FSTL5: variants seen among roughly 807,000 people sequenced by gnomAD.
FSTL5 encodes follistatin-related protein 5.
FSTL5 carries 62 observed loss-of-function variants against 89.1 expected under a neutral mutation model. That is an observed-to-expected ratio of 0.70 (90% CI 0.57 to 0.86). The LOEUF (loss-of-function observed/expected upper bound fraction) is 0.86. Among genes scored for constraint, FSTL5 ranks in the 40% least tolerant of loss-of-function variants. The pLI is 0.00. For synonymous variants in FSTL5, 383 were observed against 346.2 expected, an observed-to-expected ratio of 1.11 and a Z score of -1.18; for missense variants, 1,057 against 1,001.6, an observed-to-expected ratio of 1.06 and a Z score of -0.75.
chr4:161,964,656 C>A (rs12502239), intron 3 of FSTL5, among the ~76,000 whole-genome samples: 49,711 of 151,676 alleles, frequency 0.33, 9,861 homozygotes, highest in Non-Finnish European at 0.43. Context: ...TTATGGTGTT[C>A]TTTCATGAAA....
Position 161,563,789 on chromosome 4 carries a change from A to T in FSTL5, c.1016-21096T>A, listed in dbSNP as rs1486184434. 5.9e-5 allele frequency among the ~76,000 whole-genome samples: 9 copies of T among 152,108 alleles called. No homozygotes were observed. The South Asian group carries it at 1.2e-3, about 21-fold the overall frequency. ...ATACTAAGGCAAATTTGGAAAAGTTATTGTATAATTTAGAATTATTGGGAA... is the reference window on the plus strand; with the variant it reads ...ATACTAAGGCAAATTTGGAAAAGTTTTTGTATAATTTAGAATTATTGGGAA... On this transcript the variant is annotated intron_variant, in intron 8 of 15. Transcript: ENST00000306100.
intron 2 of FSTL5, among the ~76,000 whole-genome samples, chr4:162,066,506 C>T (rs1015814604): frequency 1.3e-5 from 2 of 149,500 alleles, no homozygotes; most frequent in Admixed American, 6.8e-5. Flanking sequence ...TGGTGGTTTG[C>T]TGCACTTATC....
At chr4:161,974,144 G>A (rs868448940) in intron 3 of FSTL5, among the ~76,000 whole-genome samples, 17 of 152,266 alleles carry the variant, frequency 1.1e-4, no homozygotes, top group South Asian at 1.0e-3. Context: ...CCATGCTCAT[G>A]GGTAGGAAGA....
intron 6 of FSTL5, among the ~76,000 whole-genome samples, chr4:161,758,111 T>C (rs1740642020): frequency 1.3e-5 from 2 of 152,320 alleles, no homozygotes; most frequent in South Asian, 2.1e-4. Context: ...TTTTTTCATA[T>C]ATTATTTTGC....
chr4:161,804,311 G>A (rs1729891834), intron 4 of FSTL5, among the ~76,000 whole-genome samples: 1 of 151,966 alleles, frequency 6.6e-6, no homozygotes, highest in African/African-American at 2.4e-5. Context: ...TGTATTAACA[G>A]ATGCCAAGAA....
intron 6 of FSTL5, among the ~76,000 whole-genome samples, chr4:161,701,248 C>G (rs555192441): frequency 6.6e-6 from 1 of 152,092 alleles, no homozygotes; most frequent in Admixed American, 6.6e-5. Context: ...TGCGTTTTGA[C>G]GCATTCAAGT....
At chr4:162,076,729 T>A (rs2111323313) in intron 2 of FSTL5, among the ~76,000 whole-genome samples, 1 of 151,874 alleles carries the variant, frequency 6.6e-6, no homozygotes, top group East Asian at 2.0e-4. Flanking sequence ...CAGAAAATTA[T>A]AAGCTAAGGG....
At chr4:162,018,356 G>T (rs562906841) in intron 3 of FSTL5, among the ~76,000 whole-genome samples, 1 of 152,050 alleles carries the variant, frequency 6.6e-6, no homozygotes, top group Non-Finnish European at 1.5e-5. Flanking sequence ...CACCCAAACA[G>T]CATAAGTTTT....
At chr4:161,908,432 A>G (rs1362581951) in intron 4 of FSTL5, among the ~76,000 whole-genome samples, 2 of 152,132 alleles carry the variant, frequency 1.3e-5, no homozygotes, top group Admixed American at 6.6e-5. Context: ...GAGCATTTAT[A>G]AAATTAATCA....
At chr4:161,549,171 G>T (rs1732111715) in intron 8 of FSTL5, among the ~76,000 whole-genome samples, 1 of 151,768 alleles carries the variant, frequency 6.6e-6, no homozygotes, top group Admixed American at 6.6e-5. Context: ...TGAGACAAAT[G>T]AAGATTTGGG....
Position 162,155,905 on chromosome 4 carries a change from G to C in FSTL5, c.-17+7710C>G, listed in dbSNP as rs889959656. Among the ~76,000 whole-genome samples, 4 of 152,176 alleles carry C rather than the reference G, an allele frequency of 2.6e-5. No homozygotes were observed. The East Asian group carries it at 7.7e-4, about 29-fold the overall frequency. The stretch of plus-strand genomic sequence containing the variant: ...TTAGAAGAATCTTTAAAGCAGCAGA[G>C]AGTGTCAACTTAATGTAAAAATTAG... On this transcript the variant is annotated intron_variant, in intron 1 of 15. Transcript: ENST00000306100.
chr4:161,527,340 C>G (rs533424401), intron 10 of FSTL5, among the ~76,000 whole-genome samples: 1 of 152,178 alleles, frequency 6.6e-6, no homozygotes, highest in African/African-American at 2.4e-5. Flanking sequence ...AAGAAACTAC[C>G]ATCAGAGTGA....
intron 6 of FSTL5, among the ~76,000 whole-genome samples, chr4:161,749,503 G>A (rs1276140241): frequency 6.6e-6 from 1 of 152,078 alleles, no homozygotes; most frequent in African/African-American, 2.4e-5. Context: ...TGGACATAAA[G>A]AGAAAGATAA....
At chr4:161,618,075 C>T (rs1230308116) in intron 7 of FSTL5, among the ~76,000 whole-genome samples, 1 of 151,116 alleles carries the variant, frequency 6.6e-6, no homozygotes, top group East Asian at 1.9e-4. Context: ...ATTTTATTCT[C>T]TTTGAAGCAA....
chr4:161,852,959 A>G (rs530034688), intron 4 of FSTL5, among the ~76,000 whole-genome samples: 55 of 152,130 alleles, frequency 3.6e-4, no homozygotes, highest in Non-Finnish European at 6.8e-4. Flanking sequence ...TAAGTAAAAA[A>G]CCTGCACATC....
chr4:161,932,693 T>C (rs1734324674), intron 3 of FSTL5, among the ~76,000 whole-genome samples: 1 of 152,004 alleles, frequency 6.6e-6, no homozygotes, highest in Admixed American at 6.6e-5. Context: ...TTCATACTTT[T>C]CTGATGAGCC....
chr4:161,810,083 T>C (rs1027909624), intron 4 of FSTL5, among the ~76,000 whole-genome samples: 3 of 152,116 alleles, frequency 2.0e-5, no homozygotes, highest in Admixed American at 2.0e-4. Context: ...TAGATGTTAA[T>C]TATAATGATG....
intron 4 of FSTL5, among the ~76,000 whole-genome samples, chr4:161,899,993 G>A (rs528688610): frequency 2.6e-5 from 4 of 152,114 alleles, no homozygotes; most frequent in Admixed American, 2.0e-4. Flanking sequence ...TCAGGGGTTC[G>A]AGAACAGCCT....
intron 3 of FSTL5, among the ~76,000 whole-genome samples, chr4:162,017,735 T>C (rs2111147976): frequency 6.6e-6 from 1 of 152,290 alleles, no homozygotes; most frequent in South Asian, 2.1e-4. Context: ...GGATGGCACT[T>C]TCTCCTAATA....
Sources: allele counts gnomAD v4.1 joint callset (sites outside exome capture counted in the v4.1 genomes callset), GRCh38; gene constraint gnomAD v4.1.1; transcripts MANE v1.5; gene names NCBI Gene and HGNC (gene_info 2026-07-23, HGNC 2026-07-21).